Variants in ZSCAN25 observed in about 807,000 individuals in gnomAD.
The protein encoded by ZSCAN25 is zinc finger and SCAN domain-containing protein 25.
In ZSCAN25, 27 loss-of-function variants were observed where a neutral mutation model predicts 38.7. The observed-to-expected ratio is 0.70, with a 90% CI of 0.51 to 0.96. The LOEUF (loss-of-function observed/expected upper bound fraction) is 0.96, where lower values mean the gene tolerates loss of function less well. Ranked by LOEUF, ZSCAN25 falls within the 40% of genes least tolerant of loss-of-function variation. The pLI is 0.00. For synonymous variants in ZSCAN25, 273 were observed against 277.7 expected (o/e 0.98, Z 0.17); for missense variants, 637 against 705.9 (o/e 0.90, Z 1.11).
chr7:99,671,892 A>T, the ZSCAN25 span: 2 of 701,554 alleles, frequency 2.9e-6, no homozygotes, highest in African/African-American at 3.5e-5. Flanking sequence ...CGAATGTGAA[A>T]AATTGCTTAG....
chr7:99,705,363 A>G, the ZSCAN25 span: 1 of 1,000,428 alleles, frequency 1.0e-6, no homozygotes, highest in Admixed American at 2.0e-5. Context: ...ATGCACGTAC[A>G]GAATCCCTGA....
At chr7:99,665,460 C>T in the ZSCAN25 span, 1 of 1,236,616 alleles carries the variant, frequency 8.1e-7, no homozygotes, top group Non-Finnish European at 1.1e-6. Context: ...CTTCCATCTA[C>T]TCCCTCAGAA....
the ZSCAN25 span, among the ~76,000 whole-genome samples, chr7:99,651,277 C>G: frequency 6.6e-6 from 1 of 151,988 alleles, no homozygotes. Flanking sequence ...CACACATATA[C>G]GTATATATCA....
In ZSCAN25 at chr7:99,621,565, C is replaced by T; in HGVS notation, c.580C>T (p.Gln194Ter). ...CCCTGGAGATGAGACACGGGCCTTCCAGGAGCAAGGTGAGTAAGACGCAGA... is the reference window on the plus strand; with the variant it reads ...CCCTGGAGATGAGACACGGGCCTTCTAGGAGCAAGGTGAGTAAGACGCAGA... The part of the protein sequence containing the change: ...QDPGDETRAF[Q>*]EQALPVLQAG... The change falls in exon 5 of 8, where the codon CAG becomes TAG. Residue 194 changes from glutamine (Q) to a stop codon, truncating the protein, a stop_gained. Coordinates refer to ENST00000394152, the MANE Select transcript of ZSCAN25 (RefSeq NM_145115.3). LOFTEE classifies it high-confidence loss of function. 6.8e-7 allele frequency: 1 copy of T among 1,460,736 alleles called. No individual in the cohort carries two copies. The highest frequency in any genetic ancestry group is 9.2e-7 in the Non-Finnish European group (1 of 1,090,190). 90.5% of individuals were successfully genotyped at this position (1,460,736 alleles called of 1,614,324 possible). A position where few individuals can be genotyped will look rare whatever the true frequency, so the allele number is the denominator to read the frequency against.
rs1350266240 is a variant in ZSCAN25, at chr7:99,630,783, T to C, written c.*763T>C. ...CCATTATTCCTTGCACTATAACAAC[T>C]GTCAACACACCAACTATTAGGAAGT... On this transcript the variant is annotated 3_prime_UTR_variant, in exon 8 of 8. Transcript: ENST00000394152. 2.0e-6 allele frequency: 2 copies of C among 985,334 alleles called. No homozygotes were observed. The highest frequency in any genetic ancestry group is 3.5e-5 in the African/African-American group (2 of 57,246). The allele number at this position is 985,334 out of a possible 1,614,324, so 61.0% of individuals were successfully genotyped here. A position where few individuals can be genotyped will look rare whatever the true frequency, so the allele number is the denominator to read the frequency against.
Position 99,629,060 on chromosome 7 carries a change from C to G in ZSCAN25, c.806-131C>G. On this transcript the variant is annotated intron_variant, in intron 7 of 7. Coordinates refer to ENST00000394152, the MANE Select transcript of ZSCAN25 (RefSeq NM_145115.3). This position sits in a 1 kb window ranked among gnomAD's most constrained non-coding sequence, Gnocchi z 5.6. ...ATAAGGAAAAAGAAGTAAGGAAAGC[C>G]TGAGTTGAGGTTGTTGGTCAAAGGA... is the stretch of plus-strand genomic sequence containing the variant. 7.8e-7 allele frequency: 1 copy of G among 1,280,768 alleles called. No individual in the cohort carries two copies. The highest frequency in any genetic ancestry group is 1.1e-6 in the Non-Finnish European group (1 of 945,196). The allele number at this position is 1,280,768 out of a possible 1,614,324, so 79.3% of individuals were successfully genotyped here. A position where few individuals can be genotyped will look rare whatever the true frequency, so the allele number is the denominator to read the frequency against.
chr7:99,693,289 G>A, the ZSCAN25 span, among the ~76,000 whole-genome samples: 3 of 152,122 alleles, frequency 2.0e-5, no homozygotes, highest in African/African-American at 4.8e-5. Flanking sequence ...AGGGGCACCC[G>A]CATGTTTGAA....
At chr7:99,638,661 C>T in the ZSCAN25 span, 1 of 1,565,246 alleles carries the variant, frequency 6.4e-7, no homozygotes, top group Non-Finnish European at 8.8e-7. Context: ...CCGACTGGCC[C>T]AGCTTCAACA....
rs1253159772 is a variant in ZSCAN25 at position 99,630,983 on chromosome 7, A to C, written c.*963A>C. The C allele has an allele frequency of 1.5e-5, 14 of 944,888 alleles. No homozygotes were observed. Among genetic ancestry groups the C allele is most frequent in the Non-Finnish European group, 1.8e-5 (14 of 793,284 alleles). 58.5% of individuals were successfully genotyped at this position (944,888 alleles called of 1,614,324 possible). On this transcript the variant is annotated 3_prime_UTR_variant, in exon 8 of 8. Transcript: ENST00000394152. Reference sequence around the variant, plus strand: ...ATTTCACCCCATTCTCATTGGACCCATTTCCCAAGTATTTATTGAGGCCCT... The same window carrying C: ...ATTTCACCCCATTCTCATTGGACCCCTTTCCCAAGTATTTATTGAGGCCCT...
At chr7:99,679,861 C>T in the ZSCAN25 span, 1 of 1,614,084 alleles carries the variant, frequency 6.2e-7, no homozygotes, top group Non-Finnish European at 8.5e-7. Flanking sequence ...CCAGGAGAAG[C>T]CAGGTTTCCA....
chr7:99,734,417 G>A, the ZSCAN25 span, among the ~76,000 whole-genome samples: 1 of 152,034 alleles, frequency 6.6e-6, no homozygotes, highest in Non-Finnish European at 1.5e-5. Context: ...CCAAATTCTG[G>A]TTTGGTAAGC....
chr7:99,632,986 G>GTTTTTTT (rs201141594), downstream of ZSCAN25, among the ~76,000 whole-genome samples: 68 of 141,432 alleles, frequency 4.8e-4, no homozygotes, highest in South Asian at 2.2e-3. Flanking sequence ...TGCATTTTCT[G>GTTTTTTT]TTGTTTTTTT....
At chr7:99,732,118 TC>T in the ZSCAN25 span, among the ~76,000 whole-genome samples, 37 of 152,254 alleles carry the variant, frequency 2.4e-4, no homozygotes, top group South Asian at 6.9e-3. Flanking sequence ...AGAGGCAGTT[TC>T]TCATGGTTTC....
chr7:99,683,071 A>T, the ZSCAN25 span, among the ~76,000 whole-genome samples: 1 of 152,160 alleles, frequency 6.6e-6, no homozygotes, highest in East Asian at 1.9e-4. Flanking sequence ...TATCATTTGG[A>T]AATCATTTTC....
chr7:99,697,035 C>CT, the ZSCAN25 span, among the ~76,000 whole-genome samples: 6 of 152,216 alleles, frequency 3.9e-5, no homozygotes, highest in Non-Finnish European at 5.9e-5. Context: ...CCTGTAGGGC[C>CT]TGTAGAACCA....
chr7:99,689,978 G>A, the ZSCAN25 span, among the ~76,000 whole-genome samples: 1 of 152,212 alleles, frequency 6.6e-6, no homozygotes, highest in African/African-American at 2.4e-5. Flanking sequence ...CCAGAAAAGA[G>A]CCCGCATTGC....
chr7:99,724,656 C>T, the ZSCAN25 span, among the ~76,000 whole-genome samples: 1 of 152,104 alleles, frequency 6.6e-6, no homozygotes, highest in African/African-American at 2.4e-5. Flanking sequence ...CTCCCCTCCT[C>T]ACACCCACTC....
At chr7:99,734,968 G>C in the ZSCAN25 span, 2 of 1,612,368 alleles carry the variant, frequency 1.2e-6, no homozygotes, top group South Asian at 2.2e-5. Context: ...AGAGAGGCCT[G>C]ATTAGCACCC....
At chr7:99,714,570 G>A in the ZSCAN25 span, 3 of 1,612,536 alleles carry the variant, frequency 1.9e-6, no homozygotes, top group African/African-American at 4.0e-5. Context: ...GTGTCTCTTT[G>A]AGGCGACCTT....
Sources: gnomAD v4.1 joint callset for allele counts (sites outside exome capture counted in the v4.1 genomes callset) on GRCh38, gnomAD v4.1.1 for gene constraint, Gnocchi (gnomAD v3.1) non-coding constraint, MANE v1.5 for transcripts, NCBI Gene and HGNC (gene_info 2026-07-23, HGNC 2026-07-21) for gene names.